NOP9: variants seen among roughly 807,000 people sequenced by gnomAD.
NOP9 encodes the protein NOP9 nucleolar protein.
NOP9 carries 50 observed loss-of-function variants against 63.0 expected under a neutral mutation model. The observed-to-expected ratio is 0.79, with a 90% CI of 0.63 to 1.00. The LOEUF (loss-of-function observed/expected upper bound fraction) is 1.00, where lower values mean the gene tolerates loss of function less well. Among genes scored for constraint, NOP9 ranks in the 50% least tolerant of loss-of-function variants. NOP9 has a pLI of 0.00. For synonymous variants in NOP9, 343 were observed against 332.8 expected, an observed-to-expected ratio of 1.03 and a Z score of -0.33; for missense variants, 758 against 803.0, an observed-to-expected ratio of 0.94 and a Z score of 0.68.
Position 24,306,061 on chromosome 14 carries a change from AC to A in NOP9, c.*967del. 1 of 1,614,138 alleles carries A rather than the reference AC, an allele frequency of 6.2e-7. No individual in the cohort carries two copies. The highest frequency in any genetic ancestry group is 8.5e-7 in the Non-Finnish European group (1 of 1,180,018). ...GAGGTCTCGAGGGTTTTGCTTGTAC[AC>A]GTCAAAGGTGAATCGGGCGATGTCC... On this transcript the variant is annotated 3_prime_UTR_variant, in exon 10 of 10. Transcript: ENST00000267425.
chr14:24,301,412 A>G (rs1011245628), intron 2 of NOP9, among the ~76,000 whole-genome samples, 200 bp from the exon 3 acceptor site: 1 of 152,172 alleles, frequency 6.6e-6, no homozygotes, highest in African/African-American at 2.4e-5. Context: ...TCTTCTGTGG[A>G]CCATGGGGAA....
the NOP9 span, among the ~76,000 whole-genome samples, chr14:24,288,694 A>G: frequency 2.0e-5 from 3 of 152,226 alleles, no homozygotes; most frequent in East Asian, 1.9e-4. Flanking sequence ...TGCTGTATAT[A>G]TATTATTTCA....
At chr14:24,292,499 G>A in the NOP9 span, 1 of 1,497,668 alleles carries the variant, frequency 6.7e-7, no homozygotes, top group Admixed American at 1.9e-5. Flanking sequence ...CAACCAAGAG[G>A]AGCACAAGCA....
intron 5 of NOP9, 28 bp from the exon 6 acceptor site, chr14:24,303,046 C>T: frequency 6.7e-7 from 1 of 1,500,960 alleles, no homozygotes; most frequent in Non-Finnish European, 8.9e-7. Flanking sequence ...ACCAGAATGC[C>T]AGAGTTACAT....
At chr14:24,301,761 G>A in intron 3 of NOP9, 39 bp downstream of exon 3, 3 of 1,600,916 alleles carry the variant, frequency 1.9e-6, no homozygotes, top group South Asian at 1.1e-5. Context: ...GTATCTACTT[G>A]TCTGGAGGTC....
At chr14:24,301,558 C>T (rs904593259) in intron 2 of NOP9, 54 bp from the exon 3 acceptor site, 3 of 1,603,900 alleles carry the variant, frequency 1.9e-6, no homozygotes, top group African/African-American at 2.7e-5. Flanking sequence ...ATTTTTCTCT[C>T]CTGGATGGCA....
At chr14:24,274,716 C>T in the NOP9 span, among the ~76,000 whole-genome samples, 4 of 151,202 alleles carry the variant, frequency 2.6e-5, no homozygotes, top group African/African-American at 9.7e-5. Flanking sequence ...TCATGCCATT[C>T]TCCTGCCTCA....
the NOP9 span, chr14:24,291,114 CT>C: frequency 6.2e-7 from 1 of 1,612,774 alleles, no homozygotes; most frequent in Non-Finnish European, 8.5e-7. Context: ...GCAGTCAAGG[CT>C]GACTGCTGTG....
the NOP9 span, among the ~76,000 whole-genome samples, chr14:24,273,108 C>T: frequency 2.0e-5 from 3 of 151,654 alleles, no homozygotes; most frequent in African/African-American, 4.9e-5. Flanking sequence ...GATGTCTTTG[C>T]GAATAGTGTG....
At chr14:24,284,565 A>C in the NOP9 span, among the ~76,000 whole-genome samples, 14 of 151,796 alleles carry the variant, frequency 9.2e-5, no homozygotes, top group East Asian at 2.7e-3. Context: ...GGGCCAAACT[A>C]GGAGGGGAAG....
upstream of NOP9, chr14:24,298,937 G>A: frequency 1.3e-6 from 2 of 1,592,318 alleles, no homozygotes; most frequent in Non-Finnish European, 1.7e-6. Flanking sequence ...TGCAACTGTG[G>A]TCCCAGAGGA....
chr14:24,280,848 G>A, the NOP9 span, among the ~76,000 whole-genome samples: 1 of 152,220 alleles, frequency 6.6e-6, no homozygotes, highest in Non-Finnish European at 1.5e-5. Flanking sequence ...GGGCTGGGGT[G>A]GGAGATGAGG....
intron 1 of NOP9, 70 bp from the exon 2 acceptor site, chr14:24,300,338 G>A: frequency 6.4e-7 from 1 of 1,559,962 alleles, no homozygotes; most frequent in Non-Finnish European, 8.7e-7. Flanking sequence ...CACGACCCTT[G>A]GTTAAGCGAG....
upstream of NOP9, chr14:24,299,131 C>T: frequency 1.2e-6 from 2 of 1,602,996 alleles, no homozygotes; most frequent in South Asian, 1.1e-5. Flanking sequence ...GGAGGCAGGT[C>T]TGTGGAAGCA....
rs370301926 is a variant in NOP9 at position 24,304,988 on chromosome 14, C to T, written c.1804C>T (p.Arg602Ter). The change falls in exon 10 of 10, where the codon CGA becomes TGA. Residue 602 changes from arginine (R) to a stop codon, truncating the protein, a stop_gained. Coordinates refer to ENST00000267425, the MANE Select transcript of NOP9 (RefSeq NM_174913.3). LOFTEE classifies it high-confidence loss of function. ...AGACCCTTTCGGCCACCATGTGGCT[C>T]GAAATGTGGCCTTGACTACCTTCCT... Reference protein sequence around the residue: ...IRDPFGHHVARNVALTTFLKR... With the variant: ...IRDPFGHHVA 4 of 1,597,870 alleles carry T rather than the reference C, an allele frequency of 2.5e-6. No homozygotes were observed. The highest frequency in any genetic ancestry group is 1.1e-5 in the South Asian group (1 of 88,842).
chr14:24,303,836 G>C lies in NOP9; in HGVS notation c.1389G>C (p.Gly463=). ...EVYYGLTEEE[G]AVPAEHQVAM... ...ACTATGGACTGACGGAGGAGGAGGG[G>C]GCAGTGCCTGCAGAGCACCAGGTGA... Residue 463 remains glycine (G), a synonymous_variant, in exon 7 of 10, where the codon GGG becomes GGC. Transcript: ENST00000267425. The C allele has an allele frequency of 6.2e-7, 1 of 1,614,130 alleles. No individual in the cohort carries two copies.
chr14:24,282,492 T>G, the NOP9 span, among the ~76,000 whole-genome samples: 2 of 152,056 alleles, frequency 1.3e-5, no homozygotes, highest in Non-Finnish European at 2.9e-5. Flanking sequence ...GATGATAGGG[T>G]GTTAATGTGA....
At chr14:24,288,054 T>G in the NOP9 span, among the ~76,000 whole-genome samples, 1 of 152,218 alleles carries the variant, frequency 6.6e-6, no homozygotes. Context: ...CTAAGATGAC[T>G]GAAACTTGTC....
upstream of NOP9, chr14:24,296,532 A>G: frequency 6.2e-7 from 1 of 1,614,078 alleles, no homozygotes; most frequent in Non-Finnish European, 8.5e-7. Context: ...TGTTGATATC[A>G]TCCCACATGG....
Sources: allele counts gnomAD v4.1 joint callset (sites outside exome capture counted in the v4.1 genomes callset), GRCh38; gene constraint gnomAD v4.1.1; transcripts MANE v1.5; gene names NCBI Gene and HGNC (gene_info 2026-07-23, HGNC 2026-07-21).